The following TMEM135 variants were observed in gnomAD, a reference collection of about 807,000 sequenced individuals.
TMEM135 encodes the protein transmembrane protein 135.
Under a neutral mutation model 60.3 loss-of-function variants are expected in TMEM135, and 30 were observed. The ratio of observed to expected loss-of-function variants is 0.50; its 90% CI spans 0.37 to 0.68. The LOEUF (loss-of-function observed/expected upper bound fraction) is 0.68, where lower values mean the gene tolerates loss of function less well. TMEM135 is among the 30% of genes least tolerant of loss of function. The pLI is 0.00. For missense variants in TMEM135, 468 were observed against 548.8 expected, an observed-to-expected ratio of 0.85 and a Z score of 1.47; for synonymous variants, 190 against 186.7, an observed-to-expected ratio of 1.02 and a Z score of -0.14.
At chr11:87,267,300 T>C (rs1391247838) in intron 6 of TMEM135, among the ~76,000 whole-genome samples, 1 of 152,024 alleles carries the variant, frequency 6.6e-6, no homozygotes, top group Non-Finnish European at 1.5e-5. Context: ...TATTTAGATA[T>C]ATAGGAAAAG....
intron 5 of TMEM135, among the ~76,000 whole-genome samples, chr11:87,189,849 TTAGGTTTCAG>T (rs1939755305): frequency 1.3e-5 from 2 of 151,712 alleles, no homozygotes; most frequent in South Asian, 4.2e-4. Flanking sequence ...CCTGGGAAGT[TTAGGTTTCAG>T]TGAGCCTTGA....
intron 5 of TMEM135, among the ~76,000 whole-genome samples, chr11:87,225,920 T>C (rs1261089792): frequency 6.6e-6 from 1 of 152,158 alleles, no homozygotes; most frequent in Non-Finnish European, 1.5e-5. Context: ...ATTATGAATA[T>C]TGTTTTATTC....
rs1489062716 is a variant in TMEM135 at position 87,328,220 on chromosome 11, C to A, written c.*6887C>A. 1 of 454,060 alleles carries A rather than the reference C, an allele frequency of 2.2e-6. No individual in the cohort carries two copies. Among genetic ancestry groups the A allele is most frequent in the South Asian group, 1.6e-5 (1 of 64,464 alleles). 28.1% of individuals were successfully genotyped at this position (454,060 alleles called of 1,614,324 possible). A position where few individuals can be genotyped will look rare whatever the true frequency, so the allele number is the denominator to read the frequency against. On this transcript the variant is annotated 3_prime_UTR_variant, in exon 15 of 15. Coordinates refer to ENST00000305494, the MANE Select transcript of TMEM135 (RefSeq NM_022918.4). ...TTCATTTCCCATTATATCCTTCTCT[C>A]TCTTGATTTAGAATTCTCTTTTTCT...
chr11:87,064,753 C>A (rs553158455), intron 1 of TMEM135, among the ~76,000 whole-genome samples: 1 of 151,944 alleles, frequency 6.6e-6, no homozygotes, highest in Non-Finnish European at 1.5e-5. Flanking sequence ...GCGTGGTGGC[C>A]GGCGCCTGTA....
chr11:87,199,745 C>A (rs539106653), intron 5 of TMEM135, among the ~76,000 whole-genome samples: 3 of 152,192 alleles, frequency 2.0e-5, no homozygotes, highest in African/African-American at 7.2e-5. Context: ...GCCTGGCCAA[C>A]AAGGTGAAAC....
At position 87,326,980 on chromosome 11, in the gene TMEM135, A is replaced by T; in HGVS notation, c.*5647A>T. The stretch of plus-strand genomic sequence containing the variant: ...GATTAAAATTCAAAAATGGGATTGC[A>T]GTCATTGTTAATTGCTCAACTAGTG... On this transcript the variant is annotated 3_prime_UTR_variant, in exon 15 of 15. Coordinates refer to ENST00000305494, the MANE Select transcript of TMEM135 (RefSeq NM_022918.4). 2.2e-6 allele frequency: 1 copy of T among 450,922 alleles called. No individual in the cohort carries two copies. Among genetic ancestry groups the T allele is most frequent in the Non-Finnish European group, 4.4e-6 (1 of 226,390 alleles). 27.9% of individuals were successfully genotyped at this position (450,922 alleles called of 1,614,324 possible).
At chr11:87,079,163 AC>A (rs1435673131) in intron 3 of TMEM135, among the ~76,000 whole-genome samples, 1 of 151,678 alleles carries the variant, frequency 6.6e-6, no homozygotes, top group East Asian at 2.0e-4. Context: ...ATGCCACCAC[AC>A]CCAGCCAATT....
intron 4 of TMEM135, among the ~76,000 whole-genome samples, chr11:87,125,832 T>C (rs189797226): frequency 1.4e-4 from 21 of 152,266 alleles, no homozygotes; most frequent in African/African-American, 5.1e-4. Flanking sequence ...CTCTAGAAAA[T>C]TTACATACAA....
At chr11:87,242,289 G>C (rs999758535) in intron 6 of TMEM135, among the ~76,000 whole-genome samples, 1 of 151,838 alleles carries the variant, frequency 6.6e-6, no homozygotes, top group Non-Finnish European at 1.5e-5. Context: ...CTTTGCTATT[G>C]TGAATAGTGC....
chr11:87,203,750 TA>T (rs1486556384), intron 5 of TMEM135, among the ~76,000 whole-genome samples: 1 of 152,208 alleles, frequency 6.6e-6, no homozygotes, highest in East Asian at 1.9e-4. Context: ...GATTGTATGG[TA>T]AAAATATGTT....
intron 5 of TMEM135, among the ~76,000 whole-genome samples, chr11:87,230,497 T>C (rs631756): frequency 0.13 from 19,623 of 152,084 alleles, 1,315 homozygotes; most frequent in Non-Finnish European, 0.14. Flanking sequence ...TATGTTACAT[T>C]ATATATAAAT....
intron 5 of TMEM135, among the ~76,000 whole-genome samples, chr11:87,211,861 G>A (rs966120917): frequency 1.3e-5 from 2 of 151,842 alleles, no homozygotes; most frequent in African/African-American, 2.4e-5. Context: ...GGAGAATGGC[G>A]TGAACCCGGG....
At chr11:87,269,489 TC>T (rs1941820911) in intron 6 of TMEM135, among the ~76,000 whole-genome samples, 1 of 151,538 alleles carries the variant, frequency 6.6e-6, no homozygotes, top group Admixed American at 6.6e-5. Context: ...ATGCTATCCC[TC>T]CCCCCTCCTC....
chr11:87,072,953 G>T (rs1856798759), intron 3 of TMEM135, among the ~76,000 whole-genome samples: 1 of 152,172 alleles, frequency 6.6e-6, no homozygotes, highest in African/African-American at 2.4e-5. Context: ...GATGCTTATT[G>T]TAGTCATTGG....
chr11:87,040,594 G>A (rs1246912488), intron 1 of TMEM135, among the ~76,000 whole-genome samples: 1 of 151,910 alleles, frequency 6.6e-6, no homozygotes, highest in Non-Finnish European at 1.5e-5. Flanking sequence ...CCTGGGAGGT[G>A]GAGGTTGTAG....
intron 4 of TMEM135, among the ~76,000 whole-genome samples, chr11:87,137,266 TA>T (rs11424292): frequency 1.2e-3 from 176 of 146,900 alleles, no homozygotes; most frequent in African/African-American, 1.3e-3. Context: ...TGCCTATATC[TA>T]AAAAAAAAAA....
At chr11:87,064,783 T>C (rs1346665292) in intron 1 of TMEM135, among the ~76,000 whole-genome samples, 2 of 152,070 alleles carry the variant, frequency 1.3e-5, no homozygotes, top group Admixed American at 6.5e-5. Context: ...ACTTGGGAGA[T>C]TGAGGCAGGG....
intron 5 of TMEM135, among the ~76,000 whole-genome samples, chr11:87,193,540 T>G (rs944263143): frequency 6.6e-6 from 1 of 152,054 alleles, no homozygotes; most frequent in African/African-American, 2.4e-5. Flanking sequence ...TGAAAATCAC[T>G]GTTTTTGGTG....
chr11:87,053,877 A>G (rs939407380), intron 1 of TMEM135, among the ~76,000 whole-genome samples: 3 of 152,168 alleles, frequency 2.0e-5, no homozygotes, highest in Non-Finnish European at 4.4e-5. Flanking sequence ...ACTCATTGAT[A>G]TGCTCTTAAT....
Sources: gnomAD v4.1 joint callset for allele counts (sites outside exome capture counted in the v4.1 genomes callset) on GRCh38, gnomAD v4.1.1 for gene constraint, MANE v1.5 for transcripts, NCBI Gene and HGNC (gene_info 2026-07-23, HGNC 2026-07-21) for gene names.